The following AK7 variants were observed in gnomAD, a reference collection of about 807,000 sequenced individuals.
The protein encoded by AK7 is ATP-AMP transphosphorylase 7.
AK7 carries 78 observed loss-of-function variants against 96.6 expected under a neutral mutation model. The ratio of observed to expected loss-of-function variants is 0.81; its 90% confidence interval spans 0.67 to 0.97. AK7 has a LOEUF of 0.97. Among genes scored for constraint, AK7 ranks in the 50% least tolerant of loss-of-function variants. AK7 has a pLI of 0.00. For missense variants in AK7, 855 were observed against 887.9 expected (o/e 0.96, Z 0.47); for synonymous variants, 302 against 317.2 (o/e 0.95, Z 0.51).
chr14:96,415,720 T>A (rs971998691), intron 4 of AK7, among the ~76,000 whole-genome samples: 2 of 129,372 alleles, frequency 1.5e-5, no homozygotes, highest in African/African-American at 5.2e-5. Context: ...TAATTTATTA[T>A]TAATAAATTT....
chr14:96,467,676 C>T (rs567566912), intron 12 of AK7, among the ~76,000 whole-genome samples: 3 of 152,212 alleles, frequency 2.0e-5, no homozygotes, highest in Admixed American at 6.6e-5. Context: ...GAGCTGCTTA[C>T]GGACATTACC....
intron 12 of AK7, among the ~76,000 whole-genome samples, chr14:96,470,491 G>A (rs1210407383): frequency 1.3e-5 from 2 of 152,108 alleles, no homozygotes; most frequent in African/African-American, 4.8e-5. Flanking sequence ...TTGTGGTGGA[G>A]TTGCATCATG....
At chr14:96,458,775 G>A (rs1036785400) in intron 12 of AK7, among the ~76,000 whole-genome samples, 20 of 150,580 alleles carry the variant, frequency 1.3e-4, no homozygotes, top group Non-Finnish European at 2.2e-4. Flanking sequence ...GCTGAGCATC[G>A]TGGCATGTGC....
intron 10 of AK7, among the ~76,000 whole-genome samples, chr14:96,452,285 G>A (rs1040560902): frequency 6.6e-6 from 1 of 151,868 alleles, no homozygotes; most frequent in Admixed American, 6.6e-5. Context: ...TATCTATATA[G>A]TATAGATTAG....
At chr14:96,455,836 G>C (rs1893866226) in intron 10 of AK7, among the ~76,000 whole-genome samples, 1 of 152,146 alleles carries the variant, frequency 6.6e-6, no homozygotes, top group African/African-American at 2.4e-5. Context: ...GACGCTTTCG[G>C]GATGATGTGG....
chr14:96,471,191 G>C (rs1167728330), intron 12 of AK7, among the ~76,000 whole-genome samples: 1 of 151,942 alleles, frequency 6.6e-6, no homozygotes, highest in Non-Finnish European at 1.5e-5. Flanking sequence ...AATCAGTGGG[G>C]CATGGTGGCA....
At chr14:96,470,856 C>A (rs117828433) in intron 12 of AK7, among the ~76,000 whole-genome samples, 2 of 152,236 alleles carry the variant, frequency 1.3e-5, no homozygotes, top group East Asian at 1.9e-4. Flanking sequence ...AGAAACCCTG[C>A]GGGCGGGCGG....
At chr14:96,475,257 G>A (rs1041707282) in intron 14 of AK7, among the ~76,000 whole-genome samples, 1 of 152,220 alleles carries the variant, frequency 6.6e-6, no homozygotes, top group African/African-American at 2.4e-5. Context: ...TTTTAATTGA[G>A]GGAGGGAACT....
intron 3 of AK7, among the ~76,000 whole-genome samples, chr14:96,406,952 G>A (rs979640723): frequency 1.6e-4 from 24 of 152,254 alleles, no homozygotes; most frequent in Admixed American, 1.3e-4. Flanking sequence ...GATTACAGAC[G>A]TGAACCACCA....
intron 4 of AK7, among the ~76,000 whole-genome samples, chr14:96,412,896 C>T (rs141225920): frequency 2.6e-5 from 4 of 152,154 alleles, no homozygotes; most frequent in African/African-American, 7.2e-5. Context: ...CCAAGGAAAC[C>T]GGTTCTAAGT....
At chr14:96,420,102 G>A (rs930106189) in intron 4 of AK7, among the ~76,000 whole-genome samples, 1 of 151,720 alleles carries the variant, frequency 6.6e-6, no homozygotes, top group Admixed American at 6.6e-5. Context: ...CAGACGTCAG[G>A]TAATCCGCCC....
chr14:96,430,994 A>T (rs1892318095), intron 5 of AK7, among the ~76,000 whole-genome samples: 2 of 152,128 alleles, frequency 1.3e-5, no homozygotes, highest in African/African-American at 4.8e-5. Flanking sequence ...TCCCTGGTTT[A>T]GTCTTGGGAG....
chr14:96,400,466 T>C (rs1890346275), intron 2 of AK7, among the ~76,000 whole-genome samples: 1 of 152,230 alleles, frequency 6.6e-6, no homozygotes, highest in Non-Finnish European at 1.5e-5. Flanking sequence ...GCTTAATAAA[T>C]AAGGAAATTC....
chr14:96,489,011 C>T lies in AK7; in HGVS notation c.*668C>T, dbSNP rs1308223879. 2.0e-5 allele frequency: 3 copies of T among 152,122 alleles called. No individual in the cohort carries two copies. Among genetic ancestry groups the T allele is most frequent in the East Asian group, 1.9e-4 (1 of 5,196 alleles). The allele number at this position is 152,122 out of a possible 1,614,324, so 9.4% of individuals were successfully genotyped here. On this transcript the variant is annotated 3_prime_UTR_variant, in exon 18 of 18. Coordinates refer to ENST00000267584, the MANE Select transcript of AK7 (RefSeq NM_152327.5). The stretch of plus-strand genomic sequence containing the variant: ...TAAATATTTTCAACACACTTTATAA[C>T]ATAGGCATAAGTTATCAATCCTATA...
At chr14:96,416,635 A>G (rs545723255) in intron 4 of AK7, among the ~76,000 whole-genome samples, 10 of 152,322 alleles carry the variant, frequency 6.6e-5, no homozygotes, top group African/African-American at 2.2e-4. Context: ...ACCCCTGCTA[A>G]AGGAAAGGTC....
Position 96,456,458 on chromosome 14 carries a change from G to A in AK7, c.1210G>A (p.Glu404Lys). 1 of 1,613,642 alleles carries A rather than the reference G, an allele frequency of 6.2e-7. No homozygotes were observed. Among genetic ancestry groups the A allele is most frequent in the Non-Finnish European group, 8.5e-7 (1 of 1,179,766 alleles). Reference sequence around the variant, plus strand: ...CATCCAACTGAAGGATGTCATTTCTGAAGCCATAGCAAAACTGGTAACACT... The same window carrying A: ...CATCCAACTGAAGGATGTCATTTCTAAAGCCATAGCAAAACTGGTAACACT... ...HHIQLKDVIS[E>K]AIAKLEAIVA... Residue 404 changes from glutamate to lysine, a missense_variant, in exon 11 of 18, where the codon GAA becomes AAA. By Grantham distance (56) the Glu-to-Lys change is moderately conservative (BLOSUM62 1). Coordinates refer to ENST00000267584, the MANE Select transcript of AK7 (RefSeq NM_152327.5).
chr14:96,420,442 C>A (rs746043912), intron 4 of AK7, among the ~76,000 whole-genome samples: 4 of 151,800 alleles, frequency 2.6e-5, no homozygotes, highest in Non-Finnish European at 5.9e-5. Flanking sequence ...TTGCAGTGAG[C>A]CAGGATTGTG....
chr14:96,446,382 G>A (rs73351103), intron 7 of AK7, 135 bp from the exon 8 acceptor site: 12 of 690,046 alleles, frequency 1.7e-5, no homozygotes, highest in Admixed American at 4.3e-5. Flanking sequence ...AACCCTGACC[G>A]TATTGAAAAT....
At chr14:96,406,711 G>A (rs145836348) in intron 3 of AK7, among the ~76,000 whole-genome samples, 68 of 151,730 alleles carry the variant, frequency 4.5e-4, no homozygotes, top group Non-Finnish European at 8.0e-4. Context: ...TTAAAGATAG[G>A]GTCTTGCTCT....
Sources: gnomAD v4.1 joint callset for allele counts (sites outside exome capture counted in the v4.1 genomes callset) on GRCh38, gnomAD v4.1.1 for gene constraint, MANE v1.5 for transcripts, NCBI Gene and HGNC (gene_info 2026-07-23, HGNC 2026-07-21) for gene names.